The following GAS2 variants were observed in gnomAD, a reference collection of about 807,000 sequenced individuals.
The protein encoded by GAS2 is growth arrest-specific protein 2.
Under a neutral mutation model 37.5 loss-of-function variants are expected in GAS2, and 20 were observed. The observed-to-expected ratio is 0.53, with a 90% CI of 0.37 to 0.77. The LOEUF is 0.77. GAS2 is among the 30% of genes least tolerant of loss of function. The probability of loss-of-function intolerance (pLI) is 0.00; values close to 1 mark genes in which losing one functional copy is unlikely to be tolerated. For synonymous variants in GAS2, 144 were observed against 132.2 expected (o/e 1.09, Z -0.61); for missense variants, 336 against 373.4 (o/e 0.90, Z 0.82).
chr11:22,693,896 GCT>G (rs990262349), intron 3 of GAS2, among the ~76,000 whole-genome samples: 1 of 152,080 alleles, frequency 6.6e-6, no homozygotes, highest in Admixed American at 6.6e-5. Context: ...AAAATTTGTT[GCT>G]CTTTTTGTTA....
At chr11:22,750,021 A>G (rs991232552) in intron 6 of GAS2, among the ~76,000 whole-genome samples, 15 of 152,084 alleles carry the variant, frequency 9.9e-5, no homozygotes, top group Non-Finnish European at 1.3e-4. Flanking sequence ...GCAAATATAA[A>G]AAAAATTAAT....
intron 7 of GAS2, among the ~76,000 whole-genome samples, chr11:22,765,728 G>A (rs1201564817): frequency 1.3e-5 from 2 of 151,372 alleles, no homozygotes; most frequent in African/African-American, 2.4e-5. Flanking sequence ...GCAGTGTGCC[G>A]AGATCGTGCC....
chr11:22,649,454 G>C (rs374932390), intron 1 of GAS2, among the ~76,000 whole-genome samples: 131 of 151,626 alleles, frequency 8.6e-4, no homozygotes, highest in Admixed American at 7.3e-3. Flanking sequence ...GGAGGATTCC[G>C]TCTTTTTCTA....
intron 3 of GAS2, among the ~76,000 whole-genome samples, chr11:22,716,853 C>T (rs533094236): frequency 5.1e-4 from 77 of 152,126 alleles, no homozygotes; most frequent in African/African-American, 1.4e-3. Context: ...ATACCAACAA[C>T]GACCAAGCTG....
intron 3 of GAS2, among the ~76,000 whole-genome samples, chr11:22,717,817 G>T (rs905003004): frequency 1.7e-4 from 26 of 151,982 alleles, no homozygotes; most frequent in African/African-American, 6.3e-4. Flanking sequence ...CAAAGGACAT[G>T]AATAGACAAT....
intron 1 of GAS2, among the ~76,000 whole-genome samples, chr11:22,659,912 GGAAGGGAGGGAGGGAGGGAAGAA>G (rs1848897953): frequency 6.8e-6 from 1 of 146,564 alleles, no homozygotes; most frequent in Admixed American, 6.9e-5. Context: ...AAGGGAGGGA[GGAAGGGAGGGAGGGAGGGAAGAA>G]GGAGGGAAGG....
intron 1 of GAS2, among the ~76,000 whole-genome samples, chr11:22,644,714 C>T (rs1404156139): frequency 2.0e-5 from 3 of 152,046 alleles, no homozygotes; most frequent in East Asian, 1.9e-4. Flanking sequence ...CTCCACCTCC[C>T]GGGTTCAAAT....
At chr11:22,775,181 G>A (rs867164283) in intron 7 of GAS2, among the ~76,000 whole-genome samples, 1 of 152,132 alleles carries the variant, frequency 6.6e-6, no homozygotes, top group Non-Finnish European at 1.5e-5. Context: ...ATTTTTAGAC[G>A]AGGAGAAACA....
At chr11:22,723,829 A>T (rs1852058943) in intron 3 of GAS2, among the ~76,000 whole-genome samples, 1 of 151,658 alleles carries the variant, frequency 6.6e-6, no homozygotes, top group Non-Finnish European at 1.5e-5. Context: ...TCTCTTGGAG[A>T]TTTTATTCAG....
intron 1 of GAS2, among the ~76,000 whole-genome samples, chr11:22,632,326 A>G (rs1476427045): frequency 2.6e-5 from 4 of 152,184 alleles, no homozygotes; most frequent in Non-Finnish European, 5.9e-5. Context: ...TTTACTGGAT[A>G]CAAAATTGTT....
At chr11:22,706,719 T>A (rs1851141464) in intron 3 of GAS2, among the ~76,000 whole-genome samples, 1 of 152,202 alleles carries the variant, frequency 6.6e-6, no homozygotes, top group East Asian at 1.9e-4. Flanking sequence ...CACATTTTCT[T>A]AATCCAGTCT....
chr11:22,654,174 G>A (rs1014168390), intron 1 of GAS2, among the ~76,000 whole-genome samples: 11 of 152,092 alleles, frequency 7.2e-5, no homozygotes, highest in Non-Finnish European at 1.2e-4. Context: ...GTTTTACATC[G>A]TTAATTCTGG....
chr11:22,627,301 T>G (rs45562239), intron 1 of GAS2, among the ~76,000 whole-genome samples: 497 of 152,348 alleles, frequency 3.3e-3, no homozygotes, highest in Non-Finnish European at 5.7e-3. Context: ...TGATACATAG[T>G]ATGAGGTGCT....
At chr11:22,731,234 G>C in intron 4 of GAS2, 1 of 357,708 alleles carries the variant, frequency 2.8e-6, no homozygotes, top group Non-Finnish European at 5.6e-6. Context: ...TGAGCTGGGA[G>C]ATGGCGAAAA....
intron 3 of GAS2, among the ~76,000 whole-genome samples, chr11:22,696,754 T>A (rs1187947967): frequency 1.3e-5 from 2 of 152,050 alleles, no homozygotes; most frequent in Admixed American, 6.6e-5. Flanking sequence ...TTGAGAAGTG[T>A]CTGTTCATGT....
At chr11:22,719,385 G>T (rs149764546) in intron 3 of GAS2, among the ~76,000 whole-genome samples, 18 of 152,096 alleles carry the variant, frequency 1.2e-4, no homozygotes, top group African/African-American at 4.3e-4. Context: ...AACATTTTTA[G>T]ATTTCACCTA....
chr11:22,684,650 T>C (rs1849852352), intron 2 of GAS2, among the ~76,000 whole-genome samples: 1 of 152,208 alleles, frequency 6.6e-6, no homozygotes, highest in Non-Finnish European at 1.5e-5. Context: ...CTGCAGCCTC[T>C]GCCTCCCAGG....
chr11:22,655,803 C>T (rs2133839303), intron 1 of GAS2, among the ~76,000 whole-genome samples: 1 of 152,274 alleles, frequency 6.6e-6, no homozygotes, highest in Non-Finnish European at 1.5e-5. Flanking sequence ...ACAGAGCCTA[C>T]CTTTATTTCT....
chr11:22,754,360 G>A (rs899977534), intron 6 of GAS2, among the ~76,000 whole-genome samples: 8 of 151,992 alleles, frequency 5.3e-5, no homozygotes, highest in Admixed American at 5.3e-4. Flanking sequence ...CTAGCAAGAA[G>A]ACATTAAGGT....
Sources: gnomAD v4.1 joint callset for allele counts (sites outside exome capture counted in the v4.1 genomes callset) on GRCh38, gnomAD v4.1.1 for gene constraint, MANE v1.5 for transcripts, NCBI Gene and HGNC (gene_info 2026-07-23, HGNC 2026-07-21) for gene names.